The following TTC27 variants were observed in gnomAD, a reference collection of about 807,000 sequenced individuals.
The protein encoded by TTC27 is tetratricopeptide repeat protein 27.
TTC27 carries 79 observed loss-of-function variants against 115.9 expected under a neutral mutation model. The ratio of observed to expected loss-of-function variants is 0.68; its 90% CI spans 0.57 to 0.82. TTC27 has a LOEUF of 0.82. TTC27 is among the 40% of genes least tolerant of loss of function. The pLI, the probability that TTC27 is intolerant of heterozygous loss-of-function variation, is 0.00. For synonymous variants in TTC27, 401 were observed against 356.0 expected, an observed-to-expected ratio of 1.13 and a Z score of -1.42; for missense variants, 1,054 against 993.1, an observed-to-expected ratio of 1.06 and a Z score of -0.82.
At chr2:32,753,425 A>AT (rs1206125995) in intron 12 of TTC27, among the ~76,000 whole-genome samples, 2 of 127,604 alleles carry the variant, frequency 1.6e-5, no homozygotes, top group Non-Finnish European at 3.3e-5. Flanking sequence ...ATCCAATCAA[A>AT]TGCCTTTTTT....
At chr2:32,642,088 C>T (rs1366795094) in intron 4 of TTC27, among the ~76,000 whole-genome samples, 2 of 151,894 alleles carry the variant, frequency 1.3e-5, no homozygotes, top group Non-Finnish European at 2.9e-5. Flanking sequence ...AACTCCTGAC[C>T]TTAGGTGATC....
intron 3 of TTC27, among the ~76,000 whole-genome samples, chr2:32,636,078 A>T (rs1178436290): frequency 6.6e-6 from 1 of 152,196 alleles, no homozygotes; most frequent in African/African-American, 2.4e-5. Flanking sequence ...GAAACATCTC[A>T]TTCCCTCTCT....
intron 16 of TTC27, among the ~76,000 whole-genome samples, chr2:32,793,545 T>G (rs1048386747): frequency 5.3e-5 from 8 of 152,186 alleles, no homozygotes; most frequent in Non-Finnish European, 1.0e-4. Flanking sequence ...TTGTTTGAGA[T>G]GGAGTCTCGC....
intron 9 of TTC27, among the ~76,000 whole-genome samples, chr2:32,686,446 G>T (rs1177446144): frequency 6.6e-6 from 1 of 151,544 alleles, no homozygotes; most frequent in Admixed American, 6.6e-5. Flanking sequence ...GCTTACGTCT[G>T]TCTCCTGGGC....
At chr2:32,753,366 C>A (rs1669082299) in intron 12 of TTC27, among the ~76,000 whole-genome samples, 1 of 148,634 alleles carries the variant, frequency 6.7e-6, no homozygotes, top group Non-Finnish European at 1.5e-5. Flanking sequence ...TGATATATAA[C>A]TGAAAGCCAA....
rs372739262 is a variant in TTC27, at chr2:32,812,625, G to A, written c.2308+10G>A. 2.5e-6 allele frequency: 4 copies of A among 1,587,876 alleles called. No homozygotes were observed. Among genetic ancestry groups the A allele is most frequent in the Admixed American group, 3.3e-5 (2 of 59,864 alleles). On this transcript the variant is annotated intron_variant, in intron 18 of 19. Coordinates refer to ENST00000317907, the MANE Select transcript of TTC27 (RefSeq NM_017735.5). Reference sequence around the variant, plus strand: ...TTAGGACTTGCACATGGTATTTGATGTAACATTTGATATCCATGGAATGTT... The same window carrying A: ...TTAGGACTTGCACATGGTATTTGATATAACATTTGATATCCATGGAATGTT...
At chr2:32,705,972 C>T (rs1023467061) in intron 10 of TTC27, among the ~76,000 whole-genome samples, 1 of 150,600 alleles carries the variant, frequency 6.6e-6, no homozygotes, top group Non-Finnish European at 1.5e-5. Context: ...GCTTTCTCTT[C>T]TCATTTATTT....
intron 9 of TTC27, among the ~76,000 whole-genome samples, chr2:32,680,897 T>C (rs1242615369): frequency 6.6e-6 from 1 of 152,196 alleles, no homozygotes; most frequent in Non-Finnish European, 1.5e-5. Context: ...GTTCCCTTTC[T>C]TTAAAACTTT....
intron 5 of TTC27, among the ~76,000 whole-genome samples, chr2:32,654,355 G>A (rs1665240131): frequency 1.3e-5 from 2 of 152,106 alleles, no homozygotes; most frequent in South Asian, 2.1e-4. Flanking sequence ...ATGAGGTAGA[G>A]CCAAAGATGG....
chr2:32,734,994 C>T (rs1298195779), intron 11 of TTC27, among the ~76,000 whole-genome samples: 4 of 152,286 alleles, frequency 2.6e-5, no homozygotes, highest in Admixed American at 2.0e-4. Context: ...CAGGGGATTA[C>T]AGATGATTTA....
At chr2:32,697,150 C>G (rs1032698582) in intron 9 of TTC27, among the ~76,000 whole-genome samples, 2 of 151,292 alleles carry the variant, frequency 1.3e-5, no homozygotes, top group Non-Finnish European at 2.9e-5. Context: ...CGAGACTGCA[C>G]CACTGCACTC....
chr2:32,721,560 T>TG (rs2151909924), intron 10 of TTC27, among the ~76,000 whole-genome samples: 1 of 152,140 alleles, frequency 6.6e-6, no homozygotes, highest in African/African-American at 2.4e-5. Context: ...CAAGCTGCTA[T>TG]GGCCAAGATT....
At position 32,747,599 on chromosome 2, in the gene TTC27, G is replaced by A. The variant is rs1392707925; in HGVS notation, c.1453-10693G>A. Among the ~76,000 whole-genome samples the A allele has an allele frequency of 4.6e-5, 7 of 152,128 alleles. No homozygotes were observed. In the East Asian group the frequency reaches 9.6e-4, roughly 21 times the overall value. On this transcript the variant is annotated intron_variant, in intron 12 of 19. Coordinates refer to ENST00000317907, the MANE Select transcript of TTC27 (RefSeq NM_017735.5). The stretch of plus-strand genomic sequence containing the variant: ...TTAAAAAATTGTATGTCAGACCATC[G>A]TTAAGTTGGGAACTGTTTATATTTA...
intron 15 of TTC27, among the ~76,000 whole-genome samples, chr2:32,785,306 T>C (rs1049145646): frequency 1.3e-5 from 2 of 152,224 alleles, no homozygotes; most frequent in African/African-American, 4.8e-5. Context: ...ATGTGAAATA[T>C]ACTTTTGATC....
chr2:32,632,583 G>T (rs1460825411), intron 2 of TTC27, among the ~76,000 whole-genome samples: 1 of 151,988 alleles, frequency 6.6e-6, no homozygotes, highest in Non-Finnish European at 1.5e-5. Context: ...TTGCATACCA[G>T]CTCTTTTGTT....
At chr2:32,637,061 C>T (rs1398768919) in intron 3 of TTC27, among the ~76,000 whole-genome samples, 1 of 152,100 alleles carries the variant, frequency 6.6e-6, no homozygotes, top group African/African-American at 2.4e-5. Context: ...GAACTACTGC[C>T]AACACTTAAA....
intron 15 of TTC27, among the ~76,000 whole-genome samples, chr2:32,784,256 G>A (rs1003567964): frequency 2.6e-5 from 4 of 152,096 alleles, no homozygotes; most frequent in Admixed American, 1.3e-4. Flanking sequence ...ATTGTTTCTC[G>A]ACTTTCTTAC....
chr2:32,698,122 C>T (rs1007881551), intron 9 of TTC27, among the ~76,000 whole-genome samples: 1 of 151,916 alleles, frequency 6.6e-6, no homozygotes, highest in African/African-American at 2.4e-5. Context: ...TGCCATGAAG[C>T]AAATGGAATA....
At chr2:32,714,318 CTGGCTAATTTTTTGTA>C (rs1667685750) in intron 10 of TTC27, among the ~76,000 whole-genome samples, 1 of 151,992 alleles carries the variant, frequency 6.6e-6, no homozygotes, top group Non-Finnish European at 1.5e-5. Flanking sequence ...GCCACCATGC[CTGGCTAATTTTTTGTA>C]TTTTTAGTAG....
Sources: gnomAD v4.1 joint callset for allele counts (sites outside exome capture counted in the v4.1 genomes callset) on GRCh38, gnomAD v4.1.1 for gene constraint, MANE v1.5 for transcripts, NCBI Gene and HGNC (gene_info 2026-07-23, HGNC 2026-07-21) for gene names.